ATP6V1A: variants seen among roughly 807,000 people sequenced by gnomAD.
ATP6V1A encodes the protein V-type proton ATPase catalytic subunit A.
A neutral mutation model predicts 70.1 loss-of-function variants in ATP6V1A; 18 were observed. The observed-to-expected ratio is 0.26, with a 90% CI of 0.18 to 0.38. ATP6V1A has a LOEUF of 0.38. Ranked by LOEUF, ATP6V1A falls within the 10% of genes least tolerant of loss-of-function variation. The pLI, the probability that ATP6V1A is intolerant of heterozygous loss-of-function variation, is 1.00. For synonymous variants in ATP6V1A, 232 were observed against 253.8 expected (o/e 0.91, Z 0.82); for missense variants, 424 against 772.4 (o/e 0.55, Z 5.35).
chr3:113,800,863 C>T (rs1470728953), intron 12 of ATP6V1A, among the ~76,000 whole-genome samples: 5 of 152,052 alleles, frequency 3.3e-5, no homozygotes, highest in Admixed American at 3.3e-4. Flanking sequence ...ACATCTAAAA[C>T]TCATGGACTG....
chr3:113,798,819 C>G (rs1709180428), intron 12 of ATP6V1A, among the ~76,000 whole-genome samples: 1 of 152,188 alleles, frequency 6.6e-6, no homozygotes, highest in South Asian at 2.1e-4. Context: ...CATTCTTGTG[C>G]CTGTATCTTG....
At chr3:113,767,390 T>C (rs1708785265) in intron 1 of ATP6V1A, among the ~76,000 whole-genome samples, 1 of 152,140 alleles carries the variant, frequency 6.6e-6, no homozygotes, top group African/African-American at 2.4e-5. Flanking sequence ...CCCAGCCTGA[T>C]GTTATCTGTT....
At chr3:113,762,777 G>A (rs930915237) in intron 1 of ATP6V1A, among the ~76,000 whole-genome samples, 1 of 151,922 alleles carries the variant, frequency 6.6e-6, no homozygotes, top group Non-Finnish European at 1.5e-5. Context: ...TTTGTGGGGG[G>A]GGAATACTGT....
At chr3:113,771,622 A>G (rs1305052413) in intron 1 of ATP6V1A, among the ~76,000 whole-genome samples, 1 of 151,788 alleles carries the variant, frequency 6.6e-6, no homozygotes, top group Non-Finnish European at 1.5e-5. Context: ...TATTTTCAGT[A>G]GACACGGGGT....
intron 8 of ATP6V1A, among the ~76,000 whole-genome samples, chr3:113,793,458 A>G (rs1162848164): frequency 2.0e-5 from 3 of 151,990 alleles, no homozygotes; most frequent in Non-Finnish European, 4.4e-5. Context: ...TCTGAGGCAT[A>G]TTTTTCTTGT....
At chr3:113,777,253 A>G (rs752096782) in intron 1 of ATP6V1A, among the ~76,000 whole-genome samples, 3 of 152,240 alleles carry the variant, frequency 2.0e-5, no homozygotes, top group African/African-American at 4.8e-5. Flanking sequence ...TTCTTAAACT[A>G]TTCTGTGTGT....
At chr3:113,785,447 TA>T (rs2108030519) in intron 5 of ATP6V1A, among the ~76,000 whole-genome samples, 1 of 150,158 alleles carries the variant, frequency 6.7e-6, no homozygotes, top group Non-Finnish European at 1.5e-5. Context: ...CTCAAAAAAA[TA>T]AAAATAATTA....
intron 1 of ATP6V1A, among the ~76,000 whole-genome samples, chr3:113,754,241 A>G (rs978596658): frequency 6.6e-6 from 1 of 152,228 alleles, no homozygotes; most frequent in African/African-American, 2.4e-5. Context: ...TAGGAAAAAC[A>G]GGCTGGGCAT....
intron 5 of ATP6V1A, 131 bp from the exon 6 acceptor site, chr3:113,786,101 A>T: frequency 1.7e-6 from 1 of 601,128 alleles, no homozygotes; most frequent in Non-Finnish European, 2.5e-6. Context: ...AATTATAATA[A>T]AAAGTATAAA....
intron 1 of ATP6V1A, among the ~76,000 whole-genome samples, chr3:113,771,781 A>T (rs928525519): frequency 6.6e-6 from 1 of 152,054 alleles, no homozygotes; most frequent in South Asian, 2.1e-4. Context: ...TTATGGATAC[A>T]TAAGTGTATA....
intron 13 of ATP6V1A, among the ~76,000 whole-genome samples, chr3:113,805,129 A>G (rs191202478): frequency 1.4e-4 from 21 of 152,316 alleles, no homozygotes; most frequent in Non-Finnish European, 2.9e-4. Flanking sequence ...ATACAAGAAT[A>G]TATATCTTCT....
intron 1 of ATP6V1A, among the ~76,000 whole-genome samples, chr3:113,752,034 T>C (rs1361858688): frequency 6.6e-6 from 1 of 151,926 alleles, no homozygotes; most frequent in African/African-American, 2.4e-5. Flanking sequence ...TTATTATGAC[T>C]AACAACAAAA....
intron 1 of ATP6V1A, among the ~76,000 whole-genome samples, chr3:113,774,516 C>T (rs977277016): frequency 6.6e-6 from 1 of 151,972 alleles, no homozygotes; most frequent in Non-Finnish European, 1.5e-5. Context: ...ATTTGTCTCT[C>T]AATAAAAGGA....
intron 1 of ATP6V1A, among the ~76,000 whole-genome samples, chr3:113,770,498 C>T (rs892105667): frequency 2.6e-5 from 4 of 151,654 alleles, no homozygotes; most frequent in African/African-American, 7.3e-5. Context: ...GTCAACTTGG[C>T]GAAATCCCGT....
At chr3:113,756,159 A>G (rs1435916742) in intron 1 of ATP6V1A, among the ~76,000 whole-genome samples, 1 of 152,180 alleles carries the variant, frequency 6.6e-6, no homozygotes, top group Non-Finnish European at 1.5e-5. Flanking sequence ...CACAGTTTAT[A>G]AGTGGTAGGG....
At chr3:113,792,593 C>T (rs1281282591) in intron 8 of ATP6V1A, among the ~76,000 whole-genome samples, 1 of 152,204 alleles carries the variant, frequency 6.6e-6, no homozygotes, top group East Asian at 1.9e-4. Context: ...GCCTTGGCCT[C>T]CCAAAGTCCT....
intron 1 of ATP6V1A, among the ~76,000 whole-genome samples, chr3:113,749,574 A>C (rs1002659494): frequency 8.6e-5 from 13 of 151,958 alleles, no homozygotes; most frequent in African/African-American, 2.2e-4. Context: ...ACTACTACTA[A>C]TCATCATCAT....
At chr3:113,777,763 C>G (rs1001686951) in intron 1 of ATP6V1A, among the ~76,000 whole-genome samples, 1 of 152,072 alleles carries the variant, frequency 6.6e-6, no homozygotes, top group Non-Finnish European at 1.5e-5. Flanking sequence ...AAAAAAAGAC[C>G]TGAAGGAGGT....
intron 1 of ATP6V1A, among the ~76,000 whole-genome samples, chr3:113,753,144 A>T (rs1708605740): frequency 6.6e-6 from 1 of 152,212 alleles, no homozygotes; most frequent in African/African-American, 2.4e-5. Context: ...CCCAGTAAAA[A>T]TATGGATAAA....
Sources: allele counts gnomAD v4.1 joint callset (sites outside exome capture counted in the v4.1 genomes callset), GRCh38; gene constraint gnomAD v4.1.1; transcripts MANE v1.5; gene names NCBI Gene and HGNC (gene_info 2026-07-23, HGNC 2026-07-21).